The following ZDHHC21 variants were observed in gnomAD, a reference collection of about 807,000 sequenced individuals.
The protein encoded by ZDHHC21 is palmitoyltransferase ZDHHC21.
A neutral mutation model predicts 34.6 loss-of-function variants in ZDHHC21; 15 were observed. The ratio of observed to expected loss-of-function variants is 0.43; its 90% CI spans 0.29 to 0.67. The LOEUF is 0.67. ZDHHC21 is among the 30% of genes least tolerant of loss of function. The probability of loss-of-function intolerance (pLI) is 0.14; values close to 1 mark genes in which losing one functional copy is unlikely to be tolerated. For synonymous variants in ZDHHC21, 142 were observed against 101.8 expected (o/e 1.40, Z -2.38); for missense variants, 344 against 327.7 (o/e 1.05, Z -0.38).
chr9:14,601,591 TTCC>T, the ZDHHC21 span, among the ~76,000 whole-genome samples: 2 of 152,212 alleles, frequency 1.3e-5, no homozygotes, highest in African/African-American at 4.8e-5. Context: ...AGTGTGGCAA[TTCC>T]TCAAGGATCT....
chr9:14,656,746 C>A (rs1832294756), intron 7 of ZDHHC21, among the ~76,000 whole-genome samples: 1 of 151,918 alleles, frequency 6.6e-6, no homozygotes, highest in South Asian at 2.1e-4. Context: ...AGCTTTCTAA[C>A]AACCAACATA....
intron 6 of ZDHHC21, 146 bp from the exon 7 acceptor site, chr9:14,659,033 C>G: frequency 1.3e-6 from 1 of 748,194 alleles, no homozygotes; most frequent in Non-Finnish European, 2.1e-6. Context: ...TAAAAACAAA[C>G]TATACAGAGA....
chr9:14,622,446 G>C (rs1825470505), intron 8 of ZDHHC21: 2 of 819,384 alleles, frequency 2.4e-6, no homozygotes, highest in Non-Finnish European at 2.9e-6. Flanking sequence ...AGGAGAAAGA[G>C]ATATCTCTTG....
At chr9:14,661,380 A>T (rs1833366783) in intron 6 of ZDHHC21, among the ~76,000 whole-genome samples, 1 of 152,188 alleles carries the variant, frequency 6.6e-6, no homozygotes, top group Non-Finnish European at 1.5e-5. Context: ...ATAAATTAAG[A>T]GGCTCATTAT....
chr9:14,621,337 T>C (rs1453935051), intron 8 of ZDHHC21, among the ~76,000 whole-genome samples: 2 of 152,030 alleles, frequency 1.3e-5, no homozygotes, highest in African/African-American at 4.8e-5. Flanking sequence ...ATTTTTACTA[T>C]GGAGAAATTA....
chr9:14,619,671 A>T lies in ZDHHC21; in HGVS notation c.633T>A (p.Ser211=), dbSNP rs1824925566. 1 of 1,400,256 alleles carries T rather than the reference A, an allele frequency of 7.1e-7. No homozygotes were observed. Among genetic ancestry groups the T allele is most frequent in the Admixed American group, 2.0e-5 (1 of 49,290 alleles). The allele number at this position is 1,400,256 out of a possible 1,614,324, so 86.7% of individuals were successfully genotyped here. ...CACAACAGTTTGACATCTTTTCAAT[A>T]GATGTTGTATCCTATTAAAAATAAA... ...QLIGIITDTT[S]IEKMSNCCED... Residue 211 remains serine (S), a synonymous_variant, in exon 9 of 10, where the codon TCT becomes TCA. Transcript: ENST00000380916.
At chr9:14,634,714 C>A (rs1827963202) in intron 8 of ZDHHC21, among the ~76,000 whole-genome samples, 1 of 152,038 alleles carries the variant, frequency 6.6e-6, no homozygotes, top group African/African-American at 2.4e-5. Context: ...CCCACAAAAG[C>A]AAATTCAAAA....
intron 7 of ZDHHC21, among the ~76,000 whole-genome samples, chr9:14,654,177 C>A (rs1564304333): frequency 6.6e-6 from 1 of 151,964 alleles, no homozygotes; most frequent in African/African-American, 2.4e-5. Context: ...TCAGCTGAGA[C>A]CCCGAAGGAC....
downstream of ZDHHC21, among the ~76,000 whole-genome samples, chr9:14,608,931 T>A (rs1823108355): frequency 6.6e-6 from 1 of 152,168 alleles, no homozygotes; most frequent in Non-Finnish European, 1.5e-5. Context: ...TAGGTGTGAA[T>A]CTGTAAAGGA....
At chr9:14,596,967 A>C in the ZDHHC21 span, among the ~76,000 whole-genome samples, 4 of 152,162 alleles carry the variant, frequency 2.6e-5, no homozygotes, top group African/African-American at 9.7e-5. Flanking sequence ...GCTCAAAGCC[A>C]GGAGAAACTT....
intron 7 of ZDHHC21, among the ~76,000 whole-genome samples, chr9:14,643,261 T>C (rs1829707753): frequency 6.6e-6 from 1 of 151,640 alleles, no homozygotes; most frequent in Admixed American, 6.6e-5. Flanking sequence ...AAAATATATA[T>C]ATATAAAGAA....
chr9:14,635,747 C>A lies in ZDHHC21; in HGVS notation c.621+4149G>T, dbSNP rs534536824. 9.9e-5 allele frequency among the ~76,000 whole-genome samples: 15 copies of A among 152,154 alleles called. No individual in the cohort carries two copies. The South Asian group carries it at 2.9e-3, about 29-fold the overall frequency. On this transcript the variant is annotated intron_variant, in intron 8 of 9. Coordinates refer to ENST00000380916, the MANE Select transcript of ZDHHC21 (RefSeq NM_178566.6). ...TAAAAACACATGAAAGTATAAAACC[C>A]ACTCTTGGGTGGTTGAGGCACAAGA...
chr9:14,692,925 C>A (rs989108896), intron 1 of ZDHHC21, among the ~76,000 whole-genome samples: 1 of 152,012 alleles, frequency 6.6e-6, no homozygotes, highest in South Asian at 2.1e-4. Context: ...AACTAGCCAA[C>A]ATCGTCTCGA....
intron 8 of ZDHHC21, 101 bp downstream of exon 8, chr9:14,639,795 T>C (rs564273026): frequency 4.7e-6 from 3 of 642,546 alleles, no homozygotes; most frequent in Middle Eastern, 4.6e-4. Context: ...GCATGGGTAA[T>C]TTTCTCCTTT....
At chr9:14,633,771 T>C (rs537612455) in intron 8 of ZDHHC21, among the ~76,000 whole-genome samples, 62 of 152,238 alleles carry the variant, frequency 4.1e-4, no homozygotes, top group Admixed American at 6.5e-4. Flanking sequence ...ACAGCAGCCA[T>C]TGTGGGCTGG....
intron 2 of ZDHHC21, among the ~76,000 whole-genome samples, chr9:14,686,526 C>A (rs1430490018): frequency 6.6e-6 from 1 of 152,152 alleles, no homozygotes. Flanking sequence ...TTGTGGGGGG[C>A]ACAGAACCTG....
chr9:14,648,939 A>T lies in ZDHHC21; in HGVS notation c.505-8927T>A, dbSNP rs75440871. Among the ~76,000 whole-genome samples the T allele has an allele frequency of 1.5e-3, 226 of 150,956 alleles. 2 individuals carry two copies. In the South Asian group the frequency reaches 0.016, roughly 11 times the overall value. On this transcript the variant is annotated intron_variant, in intron 7 of 9. Coordinates refer to ENST00000380916, the MANE Select transcript of ZDHHC21 (RefSeq NM_178566.6). ...TATAAGACTACTCTGAAAAGTAAAA[A>T]TTTTTTTTTTCTTTGTGATCTTCCT...
At chr9:14,632,064 A>AC (rs1554757642) in intron 8 of ZDHHC21, among the ~76,000 whole-genome samples, 23,805 of 134,960 alleles carry the variant, frequency 0.18, 2,211 homozygotes, top group South Asian at 0.39. Context: ...AACACACACA[A>AC]ACACACACAC....
rs906999040 is a variant in ZDHHC21 at position 14,612,466 on chromosome 9, A to G, written c.*6500T>C. ...ATACATAGCAGCATTACATTTGGACAATTACATTTCAAAGGTGTTTTAAAT... is the reference window on the plus strand; with the variant it reads ...ATACATAGCAGCATTACATTTGGACGATTACATTTCAAAGGTGTTTTAAAT... On this transcript the variant is annotated 3_prime_UTR_variant, in exon 10 of 10. Coordinates refer to ENST00000380916, the MANE Select transcript of ZDHHC21 (RefSeq NM_178566.6). 5 of 151,946 alleles carry G rather than the reference A, an allele frequency of 3.3e-5. No individual in the cohort carries two copies. Among genetic ancestry groups the G allele is most frequent in the Non-Finnish European group, 7.4e-5 (5 of 67,914 alleles). The allele number at this position is 151,946 out of a possible 1,614,324, so 9.4% of individuals were successfully genotyped here.
Sources: gnomAD v4.1 joint callset for allele counts (sites outside exome capture counted in the v4.1 genomes callset) on GRCh38, gnomAD v4.1.1 for gene constraint, MANE v1.5 for transcripts, NCBI Gene and HGNC (gene_info 2026-07-23, HGNC 2026-07-21) for gene names.